RTN4RL1: variants seen among roughly 807,000 people sequenced by gnomAD.
RTN4RL1 encodes reticulon-4 receptor-like 1.
RTN4RL1 carries 7 observed loss-of-function variants against 25.6 expected under a neutral mutation model. The ratio of observed to expected loss-of-function variants is 0.27; its 90% CI spans 0.16 to 0.51. RTN4RL1 has a LOEUF of 0.51. Ranked by LOEUF, RTN4RL1 falls within the 20% of genes least tolerant of loss-of-function variation. The probability of loss-of-function intolerance (pLI) is 0.97; values close to 1 mark genes in which losing one functional copy is unlikely to be tolerated. For synonymous variants in RTN4RL1, 297 were observed against 288.2 expected, an observed-to-expected ratio of 1.03 and a Z score of -0.31; for missense variants, 500 against 615.6, an observed-to-expected ratio of 0.81 and a Z score of 1.99.
At chr17:1,953,757 G>T (rs1033588299) in intron 1 of RTN4RL1, among the ~76,000 whole-genome samples, 1 of 152,132 alleles carries the variant, frequency 6.6e-6, no homozygotes. Context: ...TAGAGGCGGG[G>T]TTTCACCATG....
Position 1,935,550 on chromosome 17 carries a change from C to A in RTN4RL1, c.*946G>T. 1 of 985,526 alleles carries A rather than the reference C, an allele frequency of 1.0e-6. No homozygotes were observed. Among genetic ancestry groups the A allele is most frequent in the Non-Finnish European group, 1.2e-6 (1 of 829,882 alleles). The allele number at this position is 985,526 out of a possible 1,614,324, so 61.0% of individuals were successfully genotyped here. ...CAAGGCCAGGTCCCTTGGAGACTAT[C>A]GTTGCCAGTTTGGGATTCTAGACAA... is the stretch of plus-strand genomic sequence containing the variant. On this transcript the variant is annotated 3_prime_UTR_variant, in exon 2 of 2. Transcript: ENST00000331238.
At position 1,936,512 on chromosome 17, in the gene RTN4RL1, G is replaced by A. The variant is rs774569320; in HGVS notation, c.1310C>T (p.Ala437Val). 2.7e-5 allele frequency: 41 copies of A among 1,546,374 alleles called. No homozygotes were observed. The highest frequency in any genetic ancestry group is 5.9e-5 in the South Asian group (5 of 84,236). The change falls in exon 2 of 2, where the codon GCG becomes GTG. Residue 437 changes from alanine (A) to valine (V), a missense_variant. This residue lies in a region of RTN4RL1 where 268 missense variants were observed against 274.5 expected (regional missense o/e 0.98). Coordinates refer to ENST00000331238, the MANE Select transcript of RTN4RL1 (RefSeq NM_178568.4). ...CCTGGGTCCTCAGCGGAGAGTGACCGCCAGCCCCAGTGTCCAGGCCAGGAG... is the reference window on the plus strand; with the variant it reads ...CCTGGGTCCTCAGCGGAGAGTGACCACCAGCCCCAGTGTCCAGGCCAGGAG... ...ASLLAWTLGL[A>V]VTLR is the part of the protein sequence containing the mutation.
chr17:2,007,898 A>T (rs919817063), intron 1 of RTN4RL1, among the ~76,000 whole-genome samples: 3 of 151,872 alleles, frequency 2.0e-5, no homozygotes, highest in African/African-American at 7.3e-5. Context: ...GTGAGCCGAG[A>T]TTGCGCCCCT....
chr17:1,965,072 C>T (rs543232759), intron 1 of RTN4RL1, among the ~76,000 whole-genome samples: 2 of 150,882 alleles, frequency 1.3e-5, no homozygotes, highest in Non-Finnish European at 3.0e-5. Context: ...CAGGCGTGAG[C>T]CACCGCGCCT....
intron 1 of RTN4RL1, among the ~76,000 whole-genome samples, chr17:1,951,807 G>A (rs1292714858): frequency 2.6e-5 from 4 of 152,212 alleles, no homozygotes; most frequent in African/African-American, 9.6e-5. Flanking sequence ...GAGGACTGCC[G>A]AAGACTAACG....
intron 1 of RTN4RL1, among the ~76,000 whole-genome samples, chr17:2,000,824 T>A (rs2066953720): frequency 6.6e-6 from 1 of 151,866 alleles, no homozygotes; most frequent in African/African-American, 2.4e-5. Context: ...CTGGCAGGGT[T>A]CTGGTTCTAT....
At chr17:1,939,571 C>A (rs1210134429) in intron 1 of RTN4RL1, among the ~76,000 whole-genome samples, 1 of 152,114 alleles carries the variant, frequency 6.6e-6, no homozygotes, top group Non-Finnish European at 1.5e-5. Context: ...GTTGCAAAAC[C>A]AGGCCTTGCC....
intron 1 of RTN4RL1, among the ~76,000 whole-genome samples, chr17:1,950,055 G>A (rs1345159784): frequency 6.6e-6 from 1 of 152,186 alleles, no homozygotes; most frequent in Non-Finnish European, 1.5e-5. Context: ...CACCAGAAAG[G>A]GTTTGGATCT....
chr17:1,949,110 C>T (rs1438650550), intron 1 of RTN4RL1, among the ~76,000 whole-genome samples: 2 of 152,222 alleles, frequency 1.3e-5, no homozygotes, highest in East Asian at 3.9e-4. Context: ...GCGCCTGCCA[C>T]GACACCTGGC....
At chr17:1,976,304 G>A (rs548002604) in intron 1 of RTN4RL1, among the ~76,000 whole-genome samples, 1 of 152,248 alleles carries the variant, frequency 6.6e-6, no homozygotes, top group Non-Finnish European at 1.5e-5. Context: ...CAGAGACCAG[G>A]CTCCTCTCTG....
chr17:1,943,333 A>G (rs899118473), intron 1 of RTN4RL1, among the ~76,000 whole-genome samples: 1 of 152,186 alleles, frequency 6.6e-6, no homozygotes, highest in African/African-American at 2.4e-5. Flanking sequence ...GTCCTCCACG[A>G]AGGGCTGGTT....
chr17:2,013,533 G>A lies in RTN4RL1; in HGVS notation c.13+11320C>T, dbSNP rs567197081. Among the ~76,000 whole-genome samples, 7 of 152,230 alleles carry A rather than the reference G, an allele frequency of 4.6e-5. No individual in the cohort carries two copies. In the East Asian group the frequency reaches 1.2e-3, roughly 25 times the overall value. On this transcript the variant is annotated intron_variant, in intron 1 of 1. Coordinates refer to ENST00000331238, the MANE Select transcript of RTN4RL1 (RefSeq NM_178568.4). Reference sequence around the variant, plus strand: ...CAGGAACAAGACTCAGCCAGTGACCGGTGGGTGCTGGAACATAAATACCCC... The same window carrying A: ...CAGGAACAAGACTCAGCCAGTGACCAGTGGGTGCTGGAACATAAATACCCC...
chr17:1,987,718 GACAC>G (rs59658751), intron 1 of RTN4RL1, among the ~76,000 whole-genome samples: 4,138 of 145,070 alleles, frequency 0.029, 103 homozygotes, highest in East Asian at 0.094. Context: ...TGAGTTCAGG[GACAC>G]ACACACACAC....
intron 1 of RTN4RL1, among the ~76,000 whole-genome samples, chr17:1,981,524 T>C (rs1327016397): frequency 6.6e-6 from 1 of 152,264 alleles, no homozygotes; most frequent in Non-Finnish European, 1.5e-5. Flanking sequence ...CTGCCTCGTG[T>C]GCAGATTGGC....
At chr17:1,986,617 C>G (rs1037420199) in intron 1 of RTN4RL1, among the ~76,000 whole-genome samples, 1 of 152,060 alleles carries the variant, frequency 6.6e-6, no homozygotes, top group Non-Finnish European at 1.5e-5. Flanking sequence ...CCCCACGGCC[C>G]CCAGAAGCTG....
At position 1,980,702 on chromosome 17, in the gene RTN4RL1, C is replaced by T. The variant is rs188011481; in HGVS notation, c.14-42894G>A. Among the ~76,000 whole-genome samples the T allele has an allele frequency of 9.4e-4, 142 of 151,302 alleles. 1 individual carries two copies. Among genetic ancestry groups the T allele is most frequent in the African/African-American group, 3.0e-3 (125 of 41,198 alleles). On this transcript the variant is annotated intron_variant, in intron 1 of 1. Coordinates refer to ENST00000331238, the MANE Select transcript of RTN4RL1 (RefSeq NM_178568.4). The stretch of plus-strand genomic sequence containing the variant: ...GGAGCATTTGGGAGGCTGAGGCGGG[C>T]GGATCACCTGAGGTCAGGAGTTCAA...
chr17:1,966,243 A>G (rs1052805318), intron 1 of RTN4RL1, among the ~76,000 whole-genome samples: 1 of 151,994 alleles, frequency 6.6e-6, no homozygotes, highest in Admixed American at 6.6e-5. Context: ...AGAGCTGAAC[A>G]CTCTGCAAAA....
chr17:1,970,192 T>G (rs2066812350), intron 1 of RTN4RL1, among the ~76,000 whole-genome samples: 1 of 152,104 alleles, frequency 6.6e-6, no homozygotes, highest in Non-Finnish European at 1.5e-5. Context: ...TGGCCAATTT[T>G]CTGTATTTAG....
At chr17:1,986,086 G>T (rs942694900) in intron 1 of RTN4RL1, among the ~76,000 whole-genome samples, 3 of 151,942 alleles carry the variant, frequency 2.0e-5, no homozygotes, top group African/African-American at 7.3e-5. Flanking sequence ...ACTGCTACTA[G>T]CAGAGAGGAC....
Sources: allele counts gnomAD v4.1 joint callset (sites outside exome capture counted in the v4.1 genomes callset), GRCh38; gene constraint gnomAD v4.1.1; regional missense constraint gnomAD v4.1.1; transcripts MANE v1.5; gene names NCBI Gene and HGNC (gene_info 2026-07-23, HGNC 2026-07-21).